AKAP7: variants seen among roughly 807,000 people sequenced by gnomAD.
The protein encoded by AKAP7 is A kinase (PRKA) anchor protein 7.
AKAP7 carries 39 observed loss-of-function variants against 39.5 expected under a neutral mutation model. That is an observed-to-expected ratio of 0.99 (90% CI 0.76 to 1.29). AKAP7 has a LOEUF of 1.29. Ranked by LOEUF, AKAP7 falls within the 50% of genes most tolerant of loss-of-function variation. The pLI, the probability that AKAP7 is intolerant of heterozygous loss-of-function variation, is 0.00. For missense variants in AKAP7, 414 were observed against 407.7 expected, an observed-to-expected ratio of 1.02 and a Z score of -0.13; for synonymous variants, 140 against 139.1, an observed-to-expected ratio of 1.01 and a Z score of -0.05.
intron 7 of AKAP7, among the ~76,000 whole-genome samples, chr6:131,242,785 G>T (rs1811722431): frequency 6.6e-6 from 1 of 152,098 alleles, no homozygotes; most frequent in Non-Finnish European, 1.5e-5. Context: ...TGAGAAGTCT[G>T]CTGGGGACCT....
chr6:131,270,889 T>C (rs1397640698), intron 7 of AKAP7, among the ~76,000 whole-genome samples: 2 of 152,202 alleles, frequency 1.3e-5, no homozygotes. Context: ...AAAAAAACTT[T>C]TCAGTTATTT....
chr6:131,248,129 G>A (rs1039534377), intron 7 of AKAP7, among the ~76,000 whole-genome samples: 1 of 152,154 alleles, frequency 6.6e-6, no homozygotes, highest in African/African-American at 2.4e-5. Flanking sequence ...AGAGCAGGAG[G>A]CAAGATTACT....
At chr6:131,216,018 C>T (rs1377253605) in intron 6 of AKAP7, among the ~76,000 whole-genome samples, 2 of 152,148 alleles carry the variant, frequency 1.3e-5, no homozygotes, top group African/African-American at 4.8e-5. Flanking sequence ...CAGATAATTT[C>T]TTTGTCTTAT....
chr6:131,141,899 C>A (rs371305752), intron 1 of AKAP7, among the ~76,000 whole-genome samples: 3 of 116,234 alleles, frequency 2.6e-5, no homozygotes, highest in Non-Finnish European at 1.9e-5. Flanking sequence ...TTCTTTCTTT[C>A]TTTTTTTTTT....
At chr6:131,262,687 A>C (rs959097098) in intron 7 of AKAP7, among the ~76,000 whole-genome samples, 1 of 152,166 alleles carries the variant, frequency 6.6e-6, no homozygotes, top group Non-Finnish European at 1.5e-5. Flanking sequence ...TCTCACCTAG[A>C]TCAATTCAAC....
chr6:131,154,452 G>A (rs986614231), intron 2 of AKAP7, among the ~76,000 whole-genome samples: 1 of 142,488 alleles, frequency 7.0e-6, no homozygotes, highest in African/African-American at 2.6e-5. Context: ...TTGTCTAAAC[G>A]TTCCTCCCTG....
At chr6:131,266,442 G>C (rs1433485445) in intron 7 of AKAP7, among the ~76,000 whole-genome samples, 1 of 152,168 alleles carries the variant, frequency 6.6e-6, no homozygotes, top group Non-Finnish European at 1.5e-5. Flanking sequence ...TACTCAACAA[G>C]TTTAAATGCT....
intron 1 of AKAP7, among the ~76,000 whole-genome samples, chr6:131,142,022 A>T (rs1162547214): frequency 6.6e-6 from 1 of 151,802 alleles, no homozygotes; most frequent in African/African-American, 2.4e-5. Context: ...ATGACCTACA[A>T]TCAGATATGG....
intron 4 of AKAP7, among the ~76,000 whole-genome samples, chr6:131,165,606 T>C (rs1803405504): frequency 6.6e-6 from 1 of 152,218 alleles, no homozygotes; most frequent in Non-Finnish European, 1.5e-5. Context: ...TACCAATACA[T>C]GCAAGAGCTC....
intron 2 of AKAP7, among the ~76,000 whole-genome samples, chr6:131,153,720 T>C (rs1360444735): frequency 1.3e-5 from 2 of 152,210 alleles, no homozygotes; most frequent in African/African-American, 2.4e-5. Flanking sequence ...ATTGTTCATA[T>C]TGGAGTGTGA....
intron 5 of AKAP7, among the ~76,000 whole-genome samples, chr6:131,198,342 C>T (rs1367915963): frequency 6.6e-6 from 1 of 152,108 alleles, no homozygotes; most frequent in Non-Finnish European, 1.5e-5. Context: ...CCATATTGAC[C>T]AGTTAGTTTG....
intron 7 of AKAP7, among the ~76,000 whole-genome samples, chr6:131,259,063 C>T (rs962250734): frequency 6.6e-6 from 1 of 152,204 alleles, no homozygotes; most frequent in Non-Finnish European, 1.5e-5. Context: ...CCCGGCTTCT[C>T]TCCTGACTTC....
rs1562242508 is a variant in AKAP7 at position 131,248,506 on chromosome 6, C to CTAT, written c.850+28700_850+28702dup. 6.6e-5 allele frequency among the ~76,000 whole-genome samples: 10 copies of CTAT among 152,290 alleles called. No homozygotes were observed. In the South Asian group the frequency reaches 1.9e-3, roughly 28 times the overall value. On this transcript the variant is annotated intron_variant, in intron 7 of 7. Transcript: ENST00000431975. ...GGATAATTGTTCACTGGTTGTTAGG[C>CTAT]TATTTCCTTTGTTATTTTGATCACA...
At position 131,208,166 on chromosome 6, in the gene AKAP7, G is replaced by A. The variant is rs537668361; in HGVS notation, c.702+8593G>A. Among the ~76,000 whole-genome samples, 264 of 152,154 alleles carry A rather than the reference G, an allele frequency of 1.7e-3. 1 individual carries two copies. Among genetic ancestry groups the A allele is most frequent in the Non-Finnish European group, 3.3e-3 (221 of 67,992 alleles). On this transcript the variant is annotated intron_variant, in intron 6 of 7. Transcript: ENST00000431975. ...ACACTGTCATCTACTGTGTGTTAAA[G>A]AGCACTATTTATAACAAGTGCCTTC...
Position 131,251,965 on chromosome 6 carries a change from G to A in AKAP7, c.851-29565G>A, listed in dbSNP as rs1812478031. Among the ~76,000 whole-genome samples, 6 of 152,350 alleles carry A rather than the reference G, an allele frequency of 3.9e-5. No homozygotes were observed. The South Asian group carries it at 1.2e-3, about 32-fold the overall frequency. ...AAAAACCTTGGCATGGGCCGATGCA[G>A]GGATAGTGAATTCTTTCCCCACCCT... On this transcript the variant is annotated intron_variant, in intron 7 of 7. Transcript: ENST00000431975.
At chr6:131,234,280 G>A (rs532862547) in intron 7 of AKAP7, among the ~76,000 whole-genome samples, 1 of 152,274 alleles carries the variant, frequency 6.6e-6, no homozygotes, top group Admixed American at 6.5e-5. Flanking sequence ...AAGATGGTAG[G>A]CAAACACAGC....
intron 5 of AKAP7, among the ~76,000 whole-genome samples, chr6:131,183,311 T>C (rs1367063882): frequency 2.6e-5 from 4 of 152,112 alleles, no homozygotes; most frequent in Non-Finnish European, 4.4e-5. Flanking sequence ...CCTTACCAGC[T>C]GCTAGCGAGC....
In AKAP7 at chr6:131,160,068, A is replaced by G. The variant is rs1322173892; in HGVS notation, c.161A>G (p.Glu54Gly). 1 of 1,589,996 alleles carries G rather than the reference A, an allele frequency of 6.3e-7. No homozygotes were observed. Among genetic ancestry groups the G allele is most frequent in the Non-Finnish European group, 8.5e-7 (1 of 1,173,600 alleles). ...DIQDDCGITD[E>G]PQINLKRSQE... ...GACTTTTTTCCTCTAGTCACTGATG[A>G]ACCTCAAATAAATTTGAAGAGAAGT... The change falls in exon 3 of 8, where the codon GAA (glutamate) becomes GGA (glycine). Residue 54 changes from glutamate (E) to glycine (G), a missense_variant. Glu to Gly is a moderately conservative substitution (Grantham distance 98). Coordinates refer to ENST00000431975, the MANE Select transcript of AKAP7 (RefSeq NM_016377.4).
At chr6:131,159,344 C>T (rs568052473) in intron 2 of AKAP7, among the ~76,000 whole-genome samples, 11 of 152,128 alleles carry the variant, frequency 7.2e-5, no homozygotes, top group Non-Finnish European at 1.2e-4. Flanking sequence ...TCGCCCGCCT[C>T]GGCCTCCCAA....
Sources: gnomAD v4.1 joint callset for allele counts (sites outside exome capture counted in the v4.1 genomes callset) on GRCh38, gnomAD v4.1.1 for gene constraint, MANE v1.5 for transcripts, NCBI Gene and HGNC (gene_info 2026-07-23, HGNC 2026-07-21) for gene names.